The following TDRD3 variants were observed in gnomAD, a reference collection of about 807,000 sequenced individuals.
The protein encoded by TDRD3 is tudor domain containing 3.
Under a neutral mutation model 86.7 loss-of-function variants are expected in TDRD3, and 45 were observed. That is an observed-to-expected ratio of 0.52 (90% CI 0.41 to 0.67). TDRD3 has a LOEUF of 0.67. TDRD3 is among the 30% of genes least tolerant of loss of function. The pLI, the probability that TDRD3 is intolerant of heterozygous loss-of-function variation, is 0.00. For missense variants in TDRD3, 814 were observed against 889.0 expected (o/e 0.92, Z 1.07); for synonymous variants, 298 against 301.7 (o/e 0.99, Z 0.13).
intron 12 of TDRD3, among the ~76,000 whole-genome samples, chr13:60,557,234 C>G (rs991398338): frequency 6.9e-6 from 1 of 145,840 alleles, no homozygotes; most frequent in African/African-American, 2.5e-5. Flanking sequence ...AAAAGTAGTT[C>G]CTGAAGTTCA....
At chr13:60,507,169 C>T (rs973419150) in intron 8 of TDRD3, among the ~76,000 whole-genome samples, 2 of 152,130 alleles carry the variant, frequency 1.3e-5, no homozygotes, top group South Asian at 4.1e-4. Flanking sequence ...TATATATGCA[C>T]CCAATACAGG....
At chr13:60,562,252 G>A (rs1646423296) in intron 12 of TDRD3, among the ~76,000 whole-genome samples, 1 of 151,994 alleles carries the variant, frequency 6.6e-6, no homozygotes, top group African/African-American at 2.4e-5. Context: ...GGTGGAGGTT[G>A]CAGCGAGCCA....
intron 13 of TDRD3, 75 bp downstream of exon 13, chr13:60,567,725 T>C: frequency 6.4e-7 from 1 of 1,561,602 alleles, no homozygotes; most frequent in Non-Finnish European, 8.7e-7. Context: ...GTCCAATTAG[T>C]GATTTTTTTT....
Position 60,509,879 on chromosome 13 carries a change from A to G in TDRD3, c.975A>G (p.Thr325=), listed in dbSNP as rs1301477580. The change falls in exon 9 of 14, where the codon ACA becomes ACG. Residue 325 remains threonine, a synonymous_variant. Transcript: ENST00000377881. ...NLEAALNVLL[T]SNKQKPVMGP... ...AAGCAGCACTGAACGTACTTCTTAC[A>G]AGCAATAAACAGAAACCTGTTATGG... The G allele has an allele frequency of 8.1e-6, 13 of 1,613,672 alleles. No homozygotes were observed. Among genetic ancestry groups the G allele is most frequent in the Non-Finnish European group, 1.0e-5 (12 of 1,179,698 alleles).
chr13:60,500,055 A>G (rs1245052037), intron 8 of TDRD3, among the ~76,000 whole-genome samples: 2 of 152,208 alleles, frequency 1.3e-5, no homozygotes, highest in African/African-American at 2.4e-5. Flanking sequence ...CCATAGGTGA[A>G]TCACAGCAGA....
intron 8 of TDRD3, among the ~76,000 whole-genome samples, chr13:60,503,206 T>C (rs1720614093): frequency 6.6e-6 from 1 of 152,240 alleles, no homozygotes. Context: ...TCATGAGTCC[T>C]GTACCTTTTT....
At chr13:60,398,463 C>A (rs1404213389) in intron 1 of TDRD3, among the ~76,000 whole-genome samples, 3 of 152,120 alleles carry the variant, frequency 2.0e-5, no homozygotes, top group Non-Finnish European at 4.4e-5. Context: ...CAGGGAAGCG[C>A]TTATTGTTTT....
intron 10 of TDRD3, among the ~76,000 whole-genome samples, chr13:60,517,185 CT>C (rs59969075): frequency 6.2e-4 from 89 of 143,692 alleles, no homozygotes; most frequent in Admixed American, 8.4e-4. Flanking sequence ...TTTGTTTTTG[CT>C]TTTTTTTTTT....
At chr13:60,493,145 C>T (rs908685121) in intron 7 of TDRD3, among the ~76,000 whole-genome samples, 3 of 151,716 alleles carry the variant, frequency 2.0e-5, no homozygotes, top group East Asian at 3.9e-4. Flanking sequence ...GTCTCGATCT[C>T]CTGACCTCGT....
Position 60,510,773 on chromosome 13 carries a change from T to C in TDRD3, c.1141+18T>C. 2 of 1,520,616 alleles carry C rather than the reference T, an allele frequency of 1.3e-6. No individual in the cohort carries two copies. The highest frequency in any genetic ancestry group is 1.8e-6 in the Non-Finnish European group (2 of 1,137,680). 94.2% of individuals were successfully genotyped at this position (1,520,616 alleles called of 1,614,324 possible). A position where few individuals can be genotyped will look rare whatever the true frequency, so the allele number is the denominator to read the frequency against. Reference sequence around the variant, plus strand: ...TGTGGAAGGTAAGCTAATTTAAAGTTGATTCCTTTTTTTTTCTTTCTTTTC... The same window carrying C: ...TGTGGAAGGTAAGCTAATTTAAAGTCGATTCCTTTTTTTTTCTTTCTTTTC... On this transcript the variant is annotated intron_variant, in intron 10 of 13. Coordinates refer to ENST00000377881, the MANE Select transcript of TDRD3 (RefSeq NM_001146070.2).
chr13:60,542,252 A>G (rs1215222045), intron 12 of TDRD3, among the ~76,000 whole-genome samples: 2 of 152,186 alleles, frequency 1.3e-5, no homozygotes, highest in Non-Finnish European at 2.9e-5. Flanking sequence ...TCGCAAATAT[A>G]TGTAGAAGAC....
At chr13:60,531,268 G>C (rs919123472) in intron 11 of TDRD3, among the ~76,000 whole-genome samples, 2 of 152,184 alleles carry the variant, frequency 1.3e-5, no homozygotes, top group Non-Finnish European at 2.9e-5. Flanking sequence ...TCACTATCCA[G>C]ATTCTTATTC....
chr13:60,419,344 A>G (rs1018575709), intron 1 of TDRD3, among the ~76,000 whole-genome samples: 1 of 152,222 alleles, frequency 6.6e-6, no homozygotes, highest in Non-Finnish European at 1.5e-5. Context: ...CTCTTCATAA[A>G]GTATCTATTT....
intron 8 of TDRD3, among the ~76,000 whole-genome samples, chr13:60,495,948 G>A (rs1243286764): frequency 6.6e-6 from 1 of 151,988 alleles, no homozygotes; most frequent in African/African-American, 2.4e-5. Flanking sequence ...TGATTGGATT[G>A]AAGAATACAA....
chr13:60,532,208 T>C (rs549869785), intron 11 of TDRD3, among the ~76,000 whole-genome samples: 1 of 152,288 alleles, frequency 6.6e-6, no homozygotes, highest in African/African-American at 2.4e-5. Flanking sequence ...TAAAAAACAG[T>C]ACCTAACAAT....
At chr13:60,567,003 A>T (rs779219834) in intron 12 of TDRD3, among the ~76,000 whole-genome samples, 1 of 152,144 alleles carries the variant, frequency 6.6e-6, no homozygotes, top group Non-Finnish European at 1.5e-5. Context: ...CTGTCTCTAG[A>T]TGTAAGGTTC....
At chr13:60,413,075 T>C (rs143298497) in intron 1 of TDRD3, among the ~76,000 whole-genome samples, 21 of 151,682 alleles carry the variant, frequency 1.4e-4, no homozygotes, top group Non-Finnish European at 2.7e-4. Context: ...GTACCCAATA[T>C]ATATGAACTA....
chr13:60,458,535 T>A (rs1228327332), intron 3 of TDRD3, among the ~76,000 whole-genome samples: 1 of 152,160 alleles, frequency 6.6e-6, no homozygotes, highest in Admixed American at 6.5e-5. Context: ...TTGGATTTTT[T>A]TGACTACTAA....
rs113414710 is a variant in TDRD3 at position 60,474,480 on chromosome 13, G to T, written c.495+7101G>T. On this transcript the variant is annotated intron_variant, in intron 5 of 13. Coordinates refer to ENST00000377881, the MANE Select transcript of TDRD3 (RefSeq NM_001146070.2). ...AGAAAAAACCCACAGACCTTGTAGG[G>T]CTGGGCCCTATACTATATGACTGTG... 3.4e-3 allele frequency among the ~76,000 whole-genome samples: 511 copies of T among 152,304 alleles called. 4 individuals carry two copies. Among genetic ancestry groups the T allele is most frequent in the African/African-American group, 0.012 (487 of 41,558 alleles).
Sources: gnomAD v4.1 joint callset for allele counts (sites outside exome capture counted in the v4.1 genomes callset) on GRCh38, gnomAD v4.1.1 for gene constraint, MANE v1.5 for transcripts, NCBI Gene and HGNC (gene_info 2026-07-23, HGNC 2026-07-21) for gene names.